Variants in PCMTD2 observed in about 807,000 individuals in gnomAD.
PCMTD2 encodes the protein protein-L-isoaspartate O-methyltransferase domain-containing protein 2.
In PCMTD2, 16 loss-of-function variants were observed where a neutral mutation model predicts 33.4. The observed-to-expected ratio is 0.48, with a 90% CI of 0.32 to 0.73. The LOEUF (loss-of-function observed/expected upper bound fraction) is 0.73. Ranked by LOEUF, PCMTD2 falls within the 30% of genes least tolerant of loss-of-function variation. PCMTD2 has a pLI of 0.03. For synonymous variants in PCMTD2, 161 were observed against 160.8 expected, an observed-to-expected ratio of 1.00 and a Z score of -0.01; for missense variants, 374 against 449.9, an observed-to-expected ratio of 0.83 and a Z score of 1.53.
intron 2 of PCMTD2, among the ~76,000 whole-genome samples, chr20:64,261,294 G>T (rs1007860796): frequency 6.6e-6 from 1 of 152,218 alleles, no homozygotes; most frequent in African/African-American, 2.4e-5. Context: ...GGCTGCTGAG[G>T]CAAAGCTGGC....
At chr20:64,264,924 C>G (rs907558515) in intron 3 of PCMTD2, among the ~76,000 whole-genome samples, 42 of 152,194 alleles carry the variant, frequency 2.8e-4, no homozygotes, top group African/African-American at 9.9e-4. Flanking sequence ...TCACCACCCC[C>G]ACATCTCACT....
At chr20:64,262,096 TATA>T (rs2145756772) in intron 2 of PCMTD2, among the ~76,000 whole-genome samples, 1 of 151,964 alleles carries the variant, frequency 6.6e-6, no homozygotes, top group Non-Finnish European at 1.5e-5. Flanking sequence ...CTACCAAAAG[TATA>T]AGAAAGTACC....
chr20:64,268,146 C>T, intron 5 of PCMTD2, 136 bp downstream of exon 5: 1 of 508,324 alleles, frequency 2.0e-6, no homozygotes, highest in Non-Finnish European at 3.4e-6. Context: ...TAAAATTCTA[C>T]AAGCAATTTC....
chr20:64,270,412 GGTGA>G (rs551583288), intron 5 of PCMTD2, among the ~76,000 whole-genome samples: 27 of 151,126 alleles, frequency 1.8e-4, no homozygotes, highest in Admixed American at 3.3e-4. Context: ...CACGGTGTGG[GGTGA>G]GTGTGGGCAC....
Position 64,273,304 on chromosome 20 carries a change from G to C in PCMTD2, c.790G>C (p.Val264Leu), listed in dbSNP as rs199974837. 3.1e-6 allele frequency: 5 copies of C among 1,614,172 alleles called. No individual in the cohort carries two copies. Among genetic ancestry groups the C allele is most frequent in the Non-Finnish European group, 4.2e-6 (5 of 1,180,012 alleles). The change falls in exon 6 of 6, where the codon GTG becomes CTG. Residue 264 changes from valine to leucine, a missense_variant. By Grantham distance (32) the Val-to-Leu change is conservative (BLOSUM62 1). Coordinates refer to ENST00000308824, the MANE Select transcript of PCMTD2 (RefSeq NM_018257.3). ...TIKKIIHQET[V>L]SKNGNGLKNT... ...TAAAAAGATTATTCATCAGGAAACT[G>C]TGAGCAAAAACGGAAACGGACTAAA...
rs1016052233 is a variant in PCMTD2, at chr20:64,265,405, C to T, written c.558C>T (p.Ile186=). 6.2e-7 allele frequency: 1 copy of T among 1,610,810 alleles called. No individual in the cohort carries two copies. The highest frequency in any genetic ancestry group is 1.1e-5 in the South Asian group (1 of 90,444). The stretch of plus-strand genomic sequence containing the variant: ...AGAATCTTCTCAAAGTGGGAGGGAT[C>T]CTTGTCATGCCACTGGAAGAGAAGG... The part of the protein sequence containing the change: ...YMKNLLKVGG[I]LVMPLEEKLT... Residue 186 remains isoleucine (I), a synonymous_variant, in exon 4 of 6, where the codon ATC becomes ATT. Coordinates refer to ENST00000308824, the MANE Select transcript of PCMTD2 (RefSeq NM_018257.3).
rs1344603007 is a variant in PCMTD2 at position 64,275,727 on chromosome 20, T to C, written c.*2127T>C. 6.6e-6 allele frequency: 1 copy of C among 152,232 alleles called. No individual in the cohort carries two copies. The highest frequency in any genetic ancestry group is 1.9e-4 in the East Asian group (1 of 5,198). 9.4% of individuals were successfully genotyped at this position (152,232 alleles called of 1,614,324 possible). Reference sequence around the variant, plus strand: ...GTTTTCAAACAGATAAATCATAATATAGTCTGTATTATCTGTAAGATCTGT... The same window carrying C: ...GTTTTCAAACAGATAAATCATAATACAGTCTGTATTATCTGTAAGATCTGT... On this transcript the variant is annotated 3_prime_UTR_variant, in exon 6 of 6. Transcript: ENST00000308824.
At chr20:64,260,374 C>G in intron 2 of PCMTD2, 102 bp downstream of exon 2, 1 of 760,436 alleles carries the variant, frequency 1.3e-6, no homozygotes, top group Admixed American at 2.3e-5. Flanking sequence ...GGGTCGAGAC[C>G]GCAGCCTTCC....
chr20:64,262,677 C>G (rs574170275), intron 2 of PCMTD2: 1 of 152,342 alleles, frequency 6.6e-6, no homozygotes, highest in African/African-American at 2.4e-5. Flanking sequence ...ATGGCCTGAG[C>G]GGCATCCTGG....
Position 64,260,085 on chromosome 20 carries a change from CTA to C in PCMTD2, c.122_123del (p.Tyr41LeufsTer3). ...QAFRAIDRADYYLEEFKENAY... is the reference protein window; with the variant it reads ...QAFRAIDRADXYLEEFKENAY... ...CTTTCAGAGCTATCGATCGTGCAGA[CTA>C]TTATCTTGAAGAATTTAAAGAAAAT... On this transcript the variant is annotated frameshift_variant, in exon 2 of 6. Transcript: ENST00000308824. LOFTEE classifies it high-confidence loss of function. 6.2e-7 allele frequency: 1 copy of C among 1,612,760 alleles called. No individual in the cohort carries two copies. Among genetic ancestry groups the C allele is most frequent in the Non-Finnish European group, 8.5e-7 (1 of 1,178,766 alleles).
intron 1 of PCMTD2, among the ~76,000 whole-genome samples, chr20:64,256,279 G>T (rs1339930506): frequency 6.6e-6 from 1 of 151,912 alleles, no homozygotes; most frequent in South Asian, 2.1e-4. Context: ...AAATAATTGC[G>T]CCCCCCCGCC....
At chr20:64,265,151 CTG>C (rs1296447511) in intron 3 of PCMTD2, 105 bp from the exon 4 acceptor site, 3 of 695,226 alleles carry the variant, frequency 4.3e-6, no homozygotes, top group Non-Finnish European at 7.0e-6. Flanking sequence ...ACACTGTAAA[CTG>C]TGTTACATTG....
At chr20:64,268,728 A>C (rs1026718412) in intron 5 of PCMTD2, among the ~76,000 whole-genome samples, 10 of 88,806 alleles carry the variant, frequency 1.1e-4, no homozygotes, top group African/African-American at 6.6e-4. Flanking sequence ...AGTCTTACAA[A>C]AAAAAAAAAA....
intron 2 of PCMTD2, among the ~76,000 whole-genome samples, chr20:64,263,797 G>A (rs1985532782): frequency 6.6e-6 from 1 of 152,150 alleles, no homozygotes; most frequent in Non-Finnish European, 1.5e-5. Flanking sequence ...AATTTTGCCC[G>A]ATTTTTACCT....
chr20:64,270,415 G>A lies in PCMTD2; in HGVS notation c.706+2405G>A, dbSNP rs933181119. Among the ~76,000 whole-genome samples, 5 of 150,740 alleles carry A rather than the reference G, an allele frequency of 3.3e-5. No homozygotes were observed. The East Asian group carries it at 7.9e-4, about 24-fold the overall frequency. Reference sequence around the variant, plus strand: ...AATGCGGGCCTGCACGGTGTGGGGTGAGTGTGGGCACACGTGATGTGTCAT... The same window carrying A: ...AATGCGGGCCTGCACGGTGTGGGGTAAGTGTGGGCACACGTGATGTGTCAT... On this transcript the variant is annotated intron_variant, in intron 5 of 5. Coordinates refer to ENST00000308824, the MANE Select transcript of PCMTD2 (RefSeq NM_018257.3).
At chr20:64,265,488 C>T (rs746276249) in intron 4 of PCMTD2, 59 bp downstream of exon 4, 1 of 1,317,840 alleles carries the variant, frequency 7.6e-7, no homozygotes, top group South Asian at 1.4e-5. Flanking sequence ...CTGTTCTGGG[C>T]AGTGTACGGA....
rs1335099951 is a variant in PCMTD2 at position 64,275,904 on chromosome 20, G to A, written c.*2304G>A. The A allele has an allele frequency of 6.6e-6, 1 of 152,174 alleles. No individual in the cohort carries two copies. Among genetic ancestry groups the A allele is most frequent in the African/African-American group, 2.4e-5 (1 of 41,442 alleles). The allele number at this position is 152,174 out of a possible 1,614,324, so 9.4% of individuals were successfully genotyped here. A position where few individuals can be genotyped will look rare whatever the true frequency, so the allele number is the denominator to read the frequency against. On this transcript the variant is annotated 3_prime_UTR_variant, in exon 6 of 6. Coordinates refer to ENST00000308824, the MANE Select transcript of PCMTD2 (RefSeq NM_018257.3). The stretch of plus-strand genomic sequence containing the variant: ...AGTTTGTAATGTGAGCATCAAATGT[G>A]TATGTAAAAATACTTTTTACCAGTC...
In PCMTD2 at chr20:64,275,535, T is replaced by C. The variant is rs1986070753; in HGVS notation, c.*1935T>C. 1 of 152,224 alleles carries C rather than the reference T, an allele frequency of 6.6e-6. No individual in the cohort carries two copies. The highest frequency in any genetic ancestry group is 1.5e-5 in the Non-Finnish European group (1 of 68,028). 9.4% of individuals were successfully genotyped at this position (152,224 alleles called of 1,614,324 possible). ...GCTAGACTTTTCCTAGCATTTCGTA[T>C]TTCTGTGTTGTCAGTGTGTGATTTT... On this transcript the variant is annotated 3_prime_UTR_variant, in exon 6 of 6. Coordinates refer to ENST00000308824, the MANE Select transcript of PCMTD2 (RefSeq NM_018257.3).
At chr20:64,266,236 A>G (rs977144203) in intron 4 of PCMTD2, among the ~76,000 whole-genome samples, 2 of 151,870 alleles carry the variant, frequency 1.3e-5, no homozygotes, top group Admixed American at 1.3e-4. Flanking sequence ...GCCCAGATAA[A>G]TTTATTTTTT....
Sources: gnomAD v4.1 joint callset for allele counts (sites outside exome capture counted in the v4.1 genomes callset) on GRCh38, gnomAD v4.1.1 for gene constraint, MANE v1.5 for transcripts, NCBI Gene and HGNC (gene_info 2026-07-23, HGNC 2026-07-21) for gene names.